Variants in ZP2 observed in about 807,000 individuals in gnomAD.
The protein encoded by ZP2 is zona pellucida glycoprotein 2, also known as zona pellucida sperm-binding protein 2.
Under a neutral mutation model 84.0 loss-of-function variants are expected in ZP2, and 51 were observed. The observed-to-expected ratio is 0.61, with a 90% CI of 0.49 to 0.77. The LOEUF is 0.77. ZP2 is among the 30% of genes least tolerant of loss of function. The probability of loss-of-function intolerance (pLI) is 0.00; values close to 1 mark genes in which losing one functional copy is unlikely to be tolerated. For missense variants in ZP2, 909 were observed against 911.9 expected, an observed-to-expected ratio of 1.00 and a Z score of 0.04; for synonymous variants, 375 against 330.9, an observed-to-expected ratio of 1.13 and a Z score of -1.45.
chr16:21,206,592 G>C (rs2093250739), intron 5 of ZP2, among the ~76,000 whole-genome samples: 1 of 152,166 alleles, frequency 6.6e-6, no homozygotes, highest in South Asian at 2.1e-4. Flanking sequence ...TGCCATGCAT[G>C]ATGTGCCAAG....
At chr16:21,197,882 T>A (rs1353977263) in intron 17 of ZP2, 33 bp from the exon 18 acceptor site, 1 of 1,602,090 alleles carries the variant, frequency 6.2e-7, no homozygotes, top group South Asian at 1.1e-5. Flanking sequence ...GTACAACATC[T>A]TCATGCTAGT....
At chr16:21,200,221 T>A (rs1174826567) in intron 14 of ZP2, among the ~76,000 whole-genome samples, 1 of 152,182 alleles carries the variant, frequency 6.6e-6, no homozygotes, top group East Asian at 1.9e-4. Flanking sequence ...GCAGATCACC[T>A]GAGGTCAGGA....
At chr16:21,207,150 T>C (rs1232013250) in intron 4 of ZP2, among the ~76,000 whole-genome samples, 160 bp from the exon 5 acceptor site, 1 of 152,114 alleles carries the variant, frequency 6.6e-6, no homozygotes, top group African/African-American at 2.4e-5. Context: ...GCTAGCCCAT[T>C]GTAATCTGTT....
At position 21,211,197 on chromosome 16, in the gene ZP2, G is replaced by C. The variant is rs941919719; in HGVS notation, c.151+110C>G. 4 of 886,194 alleles carry C rather than the reference G, an allele frequency of 4.5e-6. No homozygotes were observed. In the South Asian group the frequency reaches 4.5e-5, roughly 10 times the overall value. 54.9% of individuals were successfully genotyped at this position (886,194 alleles called of 1,614,324 possible). On this transcript the variant is annotated intron_variant, in intron 2 of 18. Coordinates refer to ENST00000574091, the MANE Select transcript of ZP2 (RefSeq NM_001376232.1). ...CAGTAACCTGACCAAGGTAATAAAG[G>C]GGGTGAATGGAGGTTGTCTGAGCCA...
intron 17 of ZP2, 95 bp downstream of exon 17, chr16:21,198,684 T>C (rs1190546957): frequency 2.0e-6 from 2 of 999,364 alleles, no homozygotes; most frequent in African/African-American, 3.2e-5. Context: ...TTGTTTAGAC[T>C]CACCACGGGT....
chr16:21,199,447 G>T, intron 16 of ZP2, 123 bp downstream of exon 16: 2 of 862,988 alleles, frequency 2.3e-6, no homozygotes, highest in Non-Finnish European at 1.7e-6. Flanking sequence ...TTTTGACTGG[G>T]CCAACAAGAG....
In ZP2 at chr16:21,201,517, G is replaced by A. The variant is rs141482461; in HGVS notation, c.1546C>T (p.Leu516=). 7.5e-4 allele frequency: 1,204 copies of A among 1,612,732 alleles called. 2 individuals carry two copies. Among genetic ancestry groups the A allele is most frequent in the Admixed American group, 4.0e-3 (239 of 59,804 alleles). The change falls in exon 14 of 19, where the codon CTA becomes TTA. Residue 516 remains leucine, a synonymous_variant. Coordinates refer to ENST00000574091, the MANE Select transcript of ZP2 (RefSeq NM_001376232.1). ...ATTGGTTGGCGGAGGAATCTCACTA[G>A]AGGGTACTCGTTTTCCCCATAAGGT... The part of the protein sequence containing the change: ...QQPYGENEYP[L]VRFLRQPIYM...
intron 9 of ZP2, chr16:21,203,690 T>C: frequency 5.0e-6 from 2 of 400,048 alleles, no homozygotes; most frequent in Non-Finnish European, 9.2e-6. Context: ...CCCTTTTGTT[T>C]AGATCAAGGT....
In ZP2 at chr16:21,201,764, A is replaced by T. The variant is rs2093226498; in HGVS notation, c.1446T>A (p.Thr482=). The change falls in exon 13 of 19, where the codon ACT becomes ACA. Residue 482 remains threonine, a synonymous_variant. Transcript: ENST00000574091. ...MLLNINVESL[T]PPVASVKLGP... ...CCAACTTCACTGAGGCCACTGGAGG[A>T]GTAAGGCTTTCAACGTTGATGTTTA... 1.2e-6 allele frequency: 2 copies of T among 1,614,126 alleles called. No homozygotes were observed. Among genetic ancestry groups the T allele is most frequent in the Non-Finnish European group, 1.7e-6 (2 of 1,180,016 alleles).
chr16:21,200,577 G>A (rs960673559), intron 14 of ZP2, among the ~76,000 whole-genome samples: 2 of 152,234 alleles, frequency 1.3e-5, no homozygotes, highest in African/African-American at 2.4e-5. Context: ...AGAGCTGTAA[G>A]GTTGAACACC....
chr16:21,211,810 T>C (rs1212510652), upstream of ZP2: 1 of 1,404,956 alleles, frequency 7.1e-7, no homozygotes, highest in African/African-American at 1.4e-5. Context: ...ATTGGTGTTT[T>C]CCCTATAACT....
chr16:21,205,113 G>C (rs888690450), intron 7 of ZP2, among the ~76,000 whole-genome samples: 10 of 152,146 alleles, frequency 6.6e-5, no homozygotes, highest in African/African-American at 2.4e-4. Context: ...CTCCTGAGTA[G>C]TTGGGATTAT....
chr16:21,212,175 C>G (rs2093278139), upstream of ZP2, among the ~76,000 whole-genome samples: 1 of 152,096 alleles, frequency 6.6e-6, no homozygotes, highest in African/African-American at 2.4e-5. Context: ...GATCCACGTG[C>G]CTCGGCCTCC....
intron 16 of ZP2, among the ~76,000 whole-genome samples, 164 bp from the exon 17 acceptor site, chr16:21,199,026 T>G (rs1004166671): frequency 6.6e-6 from 1 of 152,130 alleles, no homozygotes; most frequent in Non-Finnish European, 1.5e-5. Flanking sequence ...GTGGGATGGA[T>G]TCTTGGGGTT....
At position 21,199,784 on chromosome 16, in the gene ZP2, C is replaced by G; in HGVS notation, c.1789G>C (p.Ala597Pro). 2 of 1,614,068 alleles carry G rather than the reference C, an allele frequency of 1.2e-6. No homozygotes were observed. The highest frequency in any genetic ancestry group is 1.7e-6 in the Non-Finnish European group (2 of 1,180,022). ...PDHYQRFDMK[A>P]FAFVSEAHVL... ...TGGGCTTCTGATACAAAGGCAAAAG[C>G]CTTCATGTCAAACCTCTGATAGTGA... is the stretch of plus-strand genomic sequence containing the variant. The change falls in exon 15 of 19, where the codon GCT becomes CCT. Residue 597 changes from alanine to proline, a missense_variant. Ala to Pro is a conservative substitution (Grantham distance 27). Coordinates refer to ENST00000574091, the MANE Select transcript of ZP2 (RefSeq NM_001376232.1).
At chr16:21,211,285 T>G (rs1388508191) in intron 2 of ZP2, 22 bp downstream of exon 2, 1 of 1,609,312 alleles carries the variant, frequency 6.2e-7, no homozygotes, top group East Asian at 2.2e-5. Flanking sequence ...CTAAGAAGAC[T>G]TCTGTCACCC....
chr16:21,205,686 G>T, intron 6 of ZP2, 45 bp downstream of exon 6: 1 of 1,611,936 alleles, frequency 6.2e-7, no homozygotes, highest in South Asian at 1.1e-5. Flanking sequence ...CTTTAACATA[G>T]AATTAAAGGT....
intron 2 of ZP2, among the ~76,000 whole-genome samples, chr16:21,210,742 T>G (rs1035731723): frequency 6.6e-5 from 10 of 152,014 alleles, no homozygotes; most frequent in Admixed American, 1.3e-4. Flanking sequence ...ACCCAGCTAG[T>G]TTTTGTATTT....
chr16:21,202,427 G>A, intron 10 of ZP2, 136 bp from the exon 11 acceptor site: 2 of 734,718 alleles, frequency 2.7e-6, no homozygotes, highest in Non-Finnish European at 4.0e-6. Flanking sequence ...TCTTTATGAG[G>A]GAACCTTGAT....
Sources: allele counts gnomAD v4.1 joint callset (sites outside exome capture counted in the v4.1 genomes callset), GRCh38; gene constraint gnomAD v4.1.1; transcripts MANE v1.5; gene names NCBI Gene and HGNC (gene_info 2026-07-23, HGNC 2026-07-21).